The following BIRC6 variants were observed in gnomAD, a reference collection of about 807,000 sequenced individuals.
The protein encoded by BIRC6 is dual E2 ubiquitin-conjugating enzyme/E3 ubiquitin-protein ligase BIRC6.
A neutral mutation model predicts 503.3 loss-of-function variants in BIRC6; 98 were observed. The observed-to-expected ratio is 0.19, with a 90% CI of 0.17 to 0.23. The LOEUF (loss-of-function observed/expected upper bound fraction) is 0.23. Among genes scored for constraint, BIRC6 ranks in the 10% least tolerant of loss-of-function variants. The pLI, the probability that BIRC6 is intolerant of heterozygous loss-of-function variation, is 1.00. For synonymous variants in BIRC6, 2,240 were observed against 2,078.7 expected (o/e 1.08, Z -2.11); for missense variants, 5,360 against 5,806.0 (o/e 0.92, Z 2.50).
At position 32,549,383 on chromosome 2, in the gene BIRC6, G is replaced by A; in HGVS notation, c.13046G>A (p.Arg4349Lys). 6.6e-7 allele frequency: 1 copy of A among 1,515,572 alleles called. No individual in the cohort carries two copies. The highest frequency in any genetic ancestry group is 9.0e-7 in the Non-Finnish European group (1 of 1,111,926). The allele number at this position is 1,515,572 out of a possible 1,614,324, so 93.9% of individuals were successfully genotyped here. A position where few individuals can be genotyped will look rare whatever the true frequency, so the allele number is the denominator to read the frequency against. Residue 4349 changes from arginine to lysine, a missense_variant, in exon 65 of 74, where the codon AGA becomes AAA. Transcript: ENST00000421745. Reference protein sequence around the residue: ...NGEAQSSHETRGQNSNALPSV... With the variant: ...NGEAQSSHETKGQNSNALPSV... ...GAAGCTCAGTCATCTCATGAGACTA[G>A]AGGGCAGAACAGTAATGCCCTTCCT... is the stretch of plus-strand genomic sequence containing the variant.
chr2:32,370,240 C>T (rs1238243898), intron 1 of BIRC6, among the ~76,000 whole-genome samples: 1 of 151,720 alleles, frequency 6.6e-6, no homozygotes, highest in Admixed American at 6.6e-5. Flanking sequence ...AGAGATTGAG[C>T]CCTCTCCATG....
At position 32,551,861 on chromosome 2, in the gene BIRC6, C is replaced by T. The variant is rs565639490; in HGVS notation, c.13144+2380C>T. Among the ~76,000 whole-genome samples, 4 of 152,130 alleles carry T rather than the reference C, an allele frequency of 2.6e-5. No homozygotes were observed. The South Asian group carries it at 6.2e-4, about 24-fold the overall frequency. On this transcript the variant is annotated intron_variant, in intron 65 of 73. Coordinates refer to ENST00000421745, the MANE Select transcript of BIRC6 (RefSeq NM_016252.4). ...ATACTGATATTTTTACAGAATGTAA[C>T]CATTTATTTTATAGAATATTCTACA...
At chr2:32,591,218 A>G (rs1167099471) in intron 66 of BIRC6, among the ~76,000 whole-genome samples, 1 of 152,200 alleles carries the variant, frequency 6.6e-6, no homozygotes, top group East Asian at 1.9e-4. Context: ...AACCTGGTCA[A>G]AGGTCTAATA....
In BIRC6 at chr2:32,593,863, G is replaced by A; in HGVS notation, c.13356-52G>A. The A allele has an allele frequency of 3.3e-6, 5 of 1,497,788 alleles. No homozygotes were observed. The South Asian group carries it at 3.5e-5, about 11-fold the overall frequency. The allele number at this position is 1,497,788 out of a possible 1,614,324, so 92.8% of individuals were successfully genotyped here. ...TATATTGATTTATGGAGGTGTTTTA[G>A]TCCTAAAATCTTAATTTTCCTTGCT... On this transcript the variant is annotated intron_variant, in intron 66 of 73. Transcript: ENST00000421745.
intron 9 of BIRC6, among the ~76,000 whole-genome samples, chr2:32,408,531 C>A (rs1042246993): frequency 3.3e-5 from 5 of 152,106 alleles, no homozygotes; most frequent in Admixed American, 6.6e-5. Flanking sequence ...GTCACTGGAA[C>A]CTTTCCTTTG....
At chr2:32,360,766 A>T (rs537288766) in intron 1 of BIRC6, among the ~76,000 whole-genome samples, 1 of 152,164 alleles carries the variant, frequency 6.6e-6, no homozygotes, top group Non-Finnish European at 1.5e-5. Flanking sequence ...TTTAAGTTTA[A>T]ATTCCATTTT....
chr2:32,612,221 A>AT (rs2062927771), intron 73 of BIRC6, among the ~76,000 whole-genome samples: 1 of 152,102 alleles, frequency 6.6e-6, no homozygotes, highest in South Asian at 2.1e-4. Flanking sequence ...GCCTTCCAGA[A>AT]TTTTATTACT....
At chr2:32,423,389 A>G (rs1431562168) in intron 10 of BIRC6, among the ~76,000 whole-genome samples, 1 of 152,206 alleles carries the variant, frequency 6.6e-6, no homozygotes, top group Non-Finnish European at 1.5e-5. Context: ...TTGTATAACC[A>G]CCAGTACTGA....
intron 14 of BIRC6, 50 bp downstream of exon 14, chr2:32,435,635 T>C (rs1409401633): frequency 1.3e-6 from 2 of 1,507,642 alleles, no homozygotes; most frequent in East Asian, 5.0e-5. Flanking sequence ...GGAGTAGTGA[T>C]CTGAATGCAA....
chr2:32,461,337 C>T (rs1572395968), intron 23 of BIRC6, among the ~76,000 whole-genome samples: 2 of 138,308 alleles, frequency 1.4e-5, no homozygotes, highest in African/African-American at 3.0e-5. Flanking sequence ...GCCACCATGC[C>T]TGGCTAGTGT....
intron 26 of BIRC6, 21 bp downstream of exon 26, chr2:32,465,185 A>ATTTTTTTTTTTTTTT: frequency 1.2e-6 from 1 of 847,166 alleles, no homozygotes; most frequent in South Asian, 2.2e-5. Flanking sequence ...ACTTTCTTAA[A>ATTTTTTTTTTTTTTT]TTTTTTTTTT....
Position 32,439,504 on chromosome 2 carries a change from C to G in BIRC6, c.3632-4C>G. 1.2e-6 allele frequency: 2 copies of G among 1,611,808 alleles called. No homozygotes were observed. Among genetic ancestry groups the G allele is most frequent in the Non-Finnish European group, 1.7e-6 (2 of 1,178,688 alleles). Reference sequence around the variant, plus strand: ...ATTTTCCCCATTCTACTCCACTTCTCTAGGTATGGCAGGAGGAAAATATCG... The same window carrying G: ...ATTTTCCCCATTCTACTCCACTTCTGTAGGTATGGCAGGAGGAAAATATCG... On this transcript the variant is annotated splice_polypyrimidine_tract_variant and splice_region_variant and intron_variant, in intron 15 of 73. Transcript: ENST00000421745.
At chr2:32,408,971 A>T (rs1239912331) in intron 9 of BIRC6, among the ~76,000 whole-genome samples, 3 of 152,144 alleles carry the variant, frequency 2.0e-5, no homozygotes, top group Admixed American at 6.6e-5. Context: ...TAGAGTAGTC[A>T]TGTATATATA....
intron 65 of BIRC6, among the ~76,000 whole-genome samples, chr2:32,562,339 TGAGCAGATAGTACA>T (rs1290267730): frequency 3.3e-5 from 5 of 152,230 alleles, no homozygotes; most frequent in Non-Finnish European, 7.3e-5. Context: ...CACAGAAAAT[TGAGCAGATAGTACA>T]GAGTTCCCAT....
chr2:32,455,381 A>C (rs1279658469), intron 23 of BIRC6, among the ~76,000 whole-genome samples: 2 of 50,120 alleles, frequency 4.0e-5, no homozygotes, highest in African/African-American at 1.8e-4. Context: ...TCTGTCTCCA[A>C]AAAAAAAAAA....
chr2:32,454,056 A>C (rs2046983886), intron 23 of BIRC6, 114 bp downstream of exon 23: 1 of 940,930 alleles, frequency 1.1e-6, no homozygotes, highest in African/African-American at 1.7e-5. Context: ...TGTTAAGTGG[A>C]AATTTATTTG....
chr2:32,501,351 A>G (rs552975539), intron 46 of BIRC6, among the ~76,000 whole-genome samples: 25 of 152,306 alleles, frequency 1.6e-4, no homozygotes, highest in African/African-American at 5.8e-4. Context: ...GTCATATAAC[A>G]GAACAACTTA....
intron 6 of BIRC6, among the ~76,000 whole-genome samples, chr2:32,398,596 G>T (rs2040245806): frequency 6.6e-6 from 1 of 151,806 alleles, no homozygotes; most frequent in South Asian, 2.1e-4. Context: ...GTACATTTAT[G>T]TATGTAAACT....
chr2:32,613,894 TTCTG>T (rs146865946), intron 73 of BIRC6, among the ~76,000 whole-genome samples: 160 of 152,290 alleles, frequency 1.1e-3, no homozygotes, highest in African/African-American at 3.6e-3. Flanking sequence ...ACTATTTTTT[TTCTG>T]TCTTTCTGTT....
Sources: allele counts gnomAD v4.1 joint callset (sites outside exome capture counted in the v4.1 genomes callset), GRCh38; gene constraint gnomAD v4.1.1; transcripts MANE v1.5; gene names NCBI Gene and HGNC (gene_info 2026-07-23, HGNC 2026-07-21).